The following EIF4E variants were observed in gnomAD, a reference collection of about 807,000 sequenced individuals.
EIF4E encodes eukaryotic translation initiation factor 4E, also known as eIF-4F 25 kDa subunit.
For synonymous variants in EIF4E, 71 were observed against 88.5 expected (o/e 0.80, Z 1.11); for missense variants, 113 against 265.6 (o/e 0.43, Z 3.99).
At chr4:98,883,826 C>G (rs1333407278) in intron 6 of EIF4E, among the ~76,000 whole-genome samples, 1 of 151,762 alleles carries the variant, frequency 6.6e-6, no homozygotes. Flanking sequence ...TTGATCAAGT[C>G]CAGGAGTTCA....
Position 98,880,807 on chromosome 4 carries a change from C to G in EIF4E, c.*221G>C. On this transcript the variant is annotated 3_prime_UTR_variant, in exon 7 of 7. Transcript: ENST00000450253. ...GATTCTGGGGATGTGTACTGTAATTCTTTGATTGGGATAGTGGAAACTCTA... is the reference window on the plus strand; with the variant it reads ...GATTCTGGGGATGTGTACTGTAATTGTTTGATTGGGATAGTGGAAACTCTA... The G allele has an allele frequency of 1.3e-6, 1 of 757,628 alleles. No individual in the cohort carries two copies. 46.9% of individuals were successfully genotyped at this position (757,628 alleles called of 1,614,324 possible). A position where few individuals can be genotyped will look rare whatever the true frequency, so the allele number is the denominator to read the frequency against.
chr4:98,888,875 T>A (rs1724031282), intron 3 of EIF4E, among the ~76,000 whole-genome samples: 1 of 152,096 alleles, frequency 6.6e-6, no homozygotes, highest in Admixed American at 6.6e-5. Flanking sequence ...GGTAAAGATT[T>A]AAGGGCCGGG....
chr4:98,914,088 G>A (rs1236903500), intron 1 of EIF4E, among the ~76,000 whole-genome samples: 1 of 150,548 alleles, frequency 6.6e-6, no homozygotes, highest in South Asian at 2.1e-4. Flanking sequence ...GGCCAGGCAC[G>A]GTGGCTCACA....
intron 2 of EIF4E, 49 bp from the exon 3 acceptor site, chr4:98,891,381 T>C: frequency 6.6e-7 from 1 of 1,525,640 alleles, no homozygotes; most frequent in Non-Finnish European, 9.0e-7. Context: ...ATACCCATGT[T>C]AAAAGCAACA....
chr4:98,918,389 A>G (rs1316893107), intron 1 of EIF4E, among the ~76,000 whole-genome samples: 2 of 151,716 alleles, frequency 1.3e-5, no homozygotes, highest in African/African-American at 2.4e-5. Flanking sequence ...AGAAAAAAAA[A>G]TTAAAGATAA....
chr4:98,926,523 CAA>C (rs1418940880), intron 1 of EIF4E: 2 of 151,644 alleles, frequency 1.3e-5, no homozygotes, highest in African/African-American at 4.8e-5. Flanking sequence ...GCCTGGGCAA[CAA>C]GAGTGAAAGT....
At chr4:98,888,148 G>C (rs1466678386) in intron 3 of EIF4E, among the ~76,000 whole-genome samples, 196 bp from the exon 4 acceptor site, 1 of 151,978 alleles carries the variant, frequency 6.6e-6, no homozygotes, top group South Asian at 2.1e-4. Context: ...CAGATGACAG[G>C]TATAATTTTC....
intron 1 of EIF4E, among the ~76,000 whole-genome samples, chr4:98,927,915 C>T (rs1721269947): frequency 6.6e-6 from 1 of 151,936 alleles, no homozygotes. Context: ...CCTGGCAAAC[C>T]CAAATTATGA....
In EIF4E at chr4:98,887,256, T is replaced by G; in HGVS notation, c.286-64A>C. 2.0e-6 allele frequency: 3 copies of G among 1,509,408 alleles called. No individual in the cohort carries two copies. The African/African-American group carries it at 4.1e-5, about 21-fold the overall frequency. The allele number at this position is 1,509,408 out of a possible 1,614,324, so 93.5% of individuals were successfully genotyped here. A position where few individuals can be genotyped will look rare whatever the true frequency, so the allele number is the denominator to read the frequency against. ...TACCTTGACTTTGAGAGATAATCAT[T>G]AGAAACAGTTAAGCAACAACACTGT... On this transcript the variant is annotated intron_variant, in intron 4 of 6. Coordinates refer to ENST00000450253, the MANE Select transcript of EIF4E (RefSeq NM_001968.5). The surrounding 1 kb of genome is among the most constrained non-coding windows in gnomAD (Gnocchi z 4.0).
At chr4:98,896,486 C>CAAA (rs59729154) in intron 2 of EIF4E, among the ~76,000 whole-genome samples, 573 of 38,420 alleles carry the variant, frequency 0.015, 22 homozygotes, top group Non-Finnish European at 0.018. Flanking sequence ...CCGCATCTCT[C>CAAA]AAAAAAAAAA....
At chr4:98,929,024 C>T in intron 1 of EIF4E, 71 bp downstream of exon 1, 2 of 1,566,210 alleles carry the variant, frequency 1.3e-6, no homozygotes, top group South Asian at 1.2e-5. Context: ...CGCCGTCCCG[C>T]GGAGTCCCCC....
At chr4:98,897,319 C>G (rs918355771) in intron 2 of EIF4E, among the ~76,000 whole-genome samples, 4 of 152,066 alleles carry the variant, frequency 2.6e-5, no homozygotes, top group African/African-American at 9.7e-5. Flanking sequence ...ACCTGTAATT[C>G]TAGCACTTTG....
At chr4:98,911,471 C>A (rs1412142244) in intron 1 of EIF4E, among the ~76,000 whole-genome samples, 2 of 149,282 alleles carry the variant, frequency 1.3e-5, no homozygotes, top group Admixed American at 1.3e-4. Flanking sequence ...ACCAGCCTGA[C>A]CAACATGGAG....
At chr4:98,881,624 C>A (rs1723695280) in intron 6 of EIF4E, among the ~76,000 whole-genome samples, 1 of 152,030 alleles carries the variant, frequency 6.6e-6, no homozygotes, top group South Asian at 2.1e-4. Context: ...CACGTCTGAA[C>A]CCTAGCAAAT....
At chr4:98,903,500 C>A (rs1184037895) in intron 1 of EIF4E, 1 of 455,406 alleles carries the variant, frequency 2.2e-6, no homozygotes, top group African/African-American at 2.0e-5. Context: ...CACCATGATA[C>A]CTGGCTAATT....
At chr4:98,900,091 A>G (rs1351168576) in intron 2 of EIF4E, among the ~76,000 whole-genome samples, 1 of 151,994 alleles carries the variant, frequency 6.6e-6, no homozygotes, top group Non-Finnish European at 1.5e-5. Context: ...TCTCCCCACA[A>G]TAAAAGTGAC....
chr4:98,927,291 T>G (rs1020560339), intron 1 of EIF4E, among the ~76,000 whole-genome samples: 1 of 152,214 alleles, frequency 6.6e-6, no homozygotes, highest in Admixed American at 6.5e-5. Flanking sequence ...AAGGTAAGGA[T>G]AGTTTACACC....
chr4:98,905,206 C>T (rs17583053), intron 1 of EIF4E, among the ~76,000 whole-genome samples: 28,988 of 148,508 alleles, frequency 0.2, 3,648 homozygotes, highest in Non-Finnish European at 0.28. Flanking sequence ...CCTAAATGAC[C>T]GATCTCAGGT....
At chr4:98,882,396 C>CAAA (rs33922454) in intron 6 of EIF4E, among the ~76,000 whole-genome samples, 4 of 85,206 alleles carry the variant, frequency 4.7e-5, no homozygotes, top group Admixed American at 1.3e-4. Flanking sequence ...GACTCCGTCT[C>CAAA]AAAAAAAAAA....
Sources: allele counts gnomAD v4.1 joint callset (sites outside exome capture counted in the v4.1 genomes callset), GRCh38; gene constraint gnomAD v4.1.1; non-coding constraint Gnocchi (gnomAD v3.1); transcripts MANE v1.5; gene names NCBI Gene and HGNC (gene_info 2026-07-23, HGNC 2026-07-21).